Variants in SLC45A2 observed in about 807,000 individuals in gnomAD.
The protein encoded by SLC45A2 is solute carrier family 45 member 2, also known as membrane-associated transporter protein.
In SLC45A2, 36 loss-of-function variants were observed where a neutral mutation model predicts 45.5. The ratio of observed to expected loss-of-function variants is 0.79; its 90% CI spans 0.61 to 1.04. The LOEUF is 1.04. Among genes scored for constraint, SLC45A2 ranks in the 50% least tolerant of loss-of-function variants. The pLI is 0.00. For missense variants in SLC45A2, 719 were observed against 671.0 expected, an observed-to-expected ratio of 1.07 and a Z score of -0.79; for synonymous variants, 306 against 269.3, an observed-to-expected ratio of 1.14 and a Z score of -1.33.
At chr5:33,968,848 C>T (rs1752684042) in intron 2 of SLC45A2, among the ~76,000 whole-genome samples, 1 of 152,148 alleles carries the variant, frequency 6.6e-6, no homozygotes, top group Non-Finnish European at 1.5e-5. Context: ...TAGCTATGTG[C>T]TGTTTGCTAC....
In SLC45A2 at chr5:33,954,503, G is replaced by A. The variant is rs763896661; in HGVS notation, c.890C>T (p.Thr297Ile). The change falls in exon 4 of 7, where the codon ACT becomes ATT. Residue 297 changes from threonine (T) to isoleucine (I), a missense_variant and splice_region_variant. Coordinates refer to ENST00000296589, the MANE Select transcript of SLC45A2 (RefSeq NM_016180.5). ...GAKNKNHAEQ[T>I]RRAMTLKSLL... The stretch of plus-strand genomic sequence containing the variant: ...TGACTTTAATGTCATTGCCCTGCGA[G>A]TCTGAAATAAAACATGAAACAGAGG... 7 of 1,613,778 alleles carry A rather than the reference G, an allele frequency of 4.3e-6. No individual in the cohort carries two copies. In the East Asian group the frequency reaches 1.1e-4, roughly 26 times the overall value.
chr5:33,956,379 G>C (rs1189020448), intron 3 of SLC45A2, among the ~76,000 whole-genome samples: 1 of 152,104 alleles, frequency 6.6e-6, no homozygotes, highest in Non-Finnish European at 1.5e-5. Context: ...CACAATCAGA[G>C]CAATGGCTAC....
At chr5:33,955,305 G>A (rs1246553829) in intron 3 of SLC45A2, among the ~76,000 whole-genome samples, 5 of 152,106 alleles carry the variant, frequency 3.3e-5, no homozygotes, top group East Asian at 1.9e-4. Context: ...GCTTTGAGGC[G>A]GGCTCTTCCC....
In SLC45A2 at chr5:33,984,540, G is replaced by A. The variant is rs780808905; in HGVS notation, c.44C>T (p.Ser15Phe). 20 of 1,612,478 alleles carry A rather than the reference G, an allele frequency of 1.2e-5. No individual in the cohort carries two copies. The African/African-American group carries it at 2.1e-4, about 17-fold the overall frequency. ...SGQAGRHIYKSLADDGPFDSV... is the reference protein window; with the variant it reads ...SGQAGRHIYKFLADDGPFDSV... ...GTCAAAGGGGCCATCATCAGCTAGG[G>A]ATTTATAGATGTGGCGGCCAGCCTG... The change falls in exon 1 of 7, where the codon TCC (serine) becomes TTC (phenylalanine). Residue 15 changes from serine to phenylalanine, a missense_variant. Coordinates refer to ENST00000296589, the MANE Select transcript of SLC45A2 (RefSeq NM_016180.5).
chr5:33,973,431 G>A (rs977265014), intron 2 of SLC45A2, among the ~76,000 whole-genome samples: 1 of 152,176 alleles, frequency 6.6e-6, no homozygotes, highest in East Asian at 1.9e-4. Flanking sequence ...CAAAGGTTTT[G>A]TTTGATGAAA....
Position 33,984,204 on chromosome 5 carries a change from A to G in SLC45A2, c.380T>C (p.Val127Ala), listed in dbSNP as rs2112019928. ...MALYLNGATV[V>A]AALIANPRRK... ...ACCTTGTGCAGCCCACTTACCTGCT[A>G]CAACAGTAGCCCCATTGAGGTACAG... Residue 127 changes from valine to alanine, a missense_variant, in exon 1 of 7, where the codon GTA becomes GCA. Coordinates refer to ENST00000296589, the MANE Select transcript of SLC45A2 (RefSeq NM_016180.5). 2 of 1,613,988 alleles carry G rather than the reference A, an allele frequency of 1.2e-6. No homozygotes were observed. Among genetic ancestry groups the G allele is most frequent in the Non-Finnish European group, 8.5e-7 (1 of 1,179,996 alleles).
Position 33,984,503 on chromosome 5 carries a change from C to G in SLC45A2, c.81G>C (p.Pro27=). Residue 27 remains proline, a synonymous_variant, in exon 1 of 7, where the codon CCG becomes CCC. Coordinates refer to ENST00000296589, the MANE Select transcript of SLC45A2 (RefSeq NM_016180.5). ...TGAGTCTGCTGGTGGGTCTTTTAGG[C>G]GGCTCCACAGAGTCAAAGGGGCCAT... ...ADDGPFDSVE[P]PKRPTSRLIM... is the part of the protein sequence containing the mutation. The G allele has an allele frequency of 6.2e-7, 1 of 1,613,064 alleles. No homozygotes were observed. Among genetic ancestry groups the G allele is most frequent in the Non-Finnish European group, 8.5e-7 (1 of 1,180,012 alleles).
rs766762238 is a variant in SLC45A2 at position 33,947,310 on chromosome 5, C to G, written c.1221G>C (p.Leu407=). ...LKGLYFTGYL[L]FGLGTGFIGL... is the part of the protein sequence containing the mutation. ...CAATAAATCCCGTCCCCAGGCCAAA[C>G]AGCAAATATCCCGTGAAGTAAAGAC... The change falls in exon 6 of 7, where the codon CTG becomes CTC. Residue 407 remains leucine, a synonymous_variant. Coordinates refer to ENST00000296589, the MANE Select transcript of SLC45A2 (RefSeq NM_016180.5). The G allele has an allele frequency of 1.2e-6, 2 of 1,614,120 alleles. No homozygotes were observed. The highest frequency in any genetic ancestry group is 1.1e-5 in the South Asian group (1 of 91,090).
chr5:33,954,796 A>G (rs911406355), intron 3 of SLC45A2, among the ~76,000 whole-genome samples: 2 of 152,170 alleles, frequency 1.3e-5, no homozygotes, highest in African/African-American at 4.8e-5. Context: ...TGAGCATCCT[A>G]TGTCTGAATG....
intron 3 of SLC45A2, among the ~76,000 whole-genome samples, chr5:33,960,037 A>AT (rs1752401240): frequency 6.6e-6 from 1 of 152,162 alleles, no homozygotes; most frequent in Non-Finnish European, 1.5e-5. Context: ...CCGTTTTTAA[A>AT]TTTTGTAAAC....
intron 4 of SLC45A2, among the ~76,000 whole-genome samples, chr5:33,953,218 G>A (rs1326330320): frequency 6.9e-6 from 1 of 144,768 alleles, no homozygotes; most frequent in Non-Finnish European, 1.5e-5. Context: ...CCAGTAATGG[G>A]ATGGCTGGGT....
chr5:33,970,247 A>C (rs1367307680), intron 2 of SLC45A2, among the ~76,000 whole-genome samples: 1 of 152,196 alleles, frequency 6.6e-6, no homozygotes, highest in African/African-American at 2.4e-5. Context: ...GCCTAAACTG[A>C]GGGAAGACAG....
Position 33,984,326 on chromosome 5 carries a change from G to A in SLC45A2, c.258C>T (p.Pro86=), listed in dbSNP as rs749383458. 17 of 1,613,954 alleles carry A rather than the reference G, an allele frequency of 1.1e-5. No individual in the cohort carries two copies. Among genetic ancestry groups the A allele is most frequent in the Non-Finnish European group, 1.4e-5 (17 of 1,180,012 alleles). The change falls in exon 1 of 7, where the codon CCC becomes CCT. Residue 86 remains proline (P), a synonymous_variant. Coordinates refer to ENST00000296589, the MANE Select transcript of SLC45A2 (RefSeq NM_016180.5). ...AGTGGTCGCTGGCCGATCCGACCAC[G>A]GGCTGCAGCAGGAATCCCAGGATGG... The part of the protein sequence containing the change: ...LSPILGFLLQ[P]VVGSASDHCR...
At chr5:33,972,253 G>T (rs1579555346) in intron 2 of SLC45A2, 1 of 511,328 alleles carries the variant, frequency 2.0e-6, no homozygotes, top group South Asian at 1.5e-5. Flanking sequence ...TGGAGTTACT[G>T]AATCAAATGG....
intron 2 of SLC45A2, among the ~76,000 whole-genome samples, chr5:33,964,606 T>C (rs1169668259): frequency 6.6e-6 from 1 of 152,038 alleles, no homozygotes; most frequent in African/African-American, 2.4e-5. Context: ...GAACAGGAAA[T>C]AATGAGAACA....
chr5:33,981,937 C>A (rs763622215), intron 2 of SLC45A2, among the ~76,000 whole-genome samples: 7 of 152,220 alleles, frequency 4.6e-5, no homozygotes, highest in Non-Finnish European at 1.0e-4. Flanking sequence ...TGCTTGAGAT[C>A]CTCTGCTCTA....
At chr5:33,948,261 G>A (rs1751997106) in intron 5 of SLC45A2, among the ~76,000 whole-genome samples, 1 of 152,182 alleles carries the variant, frequency 6.6e-6, no homozygotes. Flanking sequence ...TATCAGTATA[G>A]TGGCAGAACT....
Position 33,944,944 on chromosome 5 carries a change from T to C in SLC45A2, c.1369-72A>G. On this transcript the variant is annotated intron_variant, in intron 6 of 6. Coordinates refer to ENST00000296589, the MANE Select transcript of SLC45A2 (RefSeq NM_016180.5). ...ATTTAGGGCACAGGTCAGCAAAATTTTTCTGTGACCAGCCAGATAGTAAAT... is the reference window on the plus strand; with the variant it reads ...ATTTAGGGCACAGGTCAGCAAAATTCTTCTGTGACCAGCCAGATAGTAAAT... 6.2e-6 allele frequency: 9 copies of C among 1,444,420 alleles called. 1 individual carries two copies. The South Asian group carries it at 1.1e-4, about 18-fold the overall frequency. The allele number at this position is 1,444,420 out of a possible 1,614,324, so 89.5% of individuals were successfully genotyped here.
At chr5:33,962,054 T>G (rs1255317278) in intron 3 of SLC45A2, among the ~76,000 whole-genome samples, 1 of 152,212 alleles carries the variant, frequency 6.6e-6, no homozygotes, top group Non-Finnish European at 1.5e-5. Context: ...TATTTCTGCT[T>G]TCTCCACTTT....
Sources: gnomAD v4.1 joint callset for allele counts (sites outside exome capture counted in the v4.1 genomes callset) on GRCh38, gnomAD v4.1.1 for gene constraint, MANE v1.5 for transcripts, NCBI Gene and HGNC (gene_info 2026-07-23, HGNC 2026-07-21) for gene names.